The following HPS4 variants were observed in gnomAD, a reference collection of about 807,000 sequenced individuals.
The protein encoded by HPS4 is BLOC-3 complex member HPS4.
A neutral mutation model predicts 70.3 loss-of-function variants in HPS4; 44 were observed. The ratio of observed to expected loss-of-function variants is 0.63; its 90% CI spans 0.49 to 0.80. The LOEUF (loss-of-function observed/expected upper bound fraction) is 0.80. Ranked by LOEUF, HPS4 falls within the 30% of genes least tolerant of loss-of-function variation. HPS4 has a pLI of 0.00. For missense variants in HPS4, 873 were observed against 884.4 expected (o/e 0.99, Z 0.16); for synonymous variants, 377 against 355.9 (o/e 1.06, Z -0.67).
chr22:26,483,791 G>T, upstream of HPS4: 1 of 954,786 alleles, frequency 1.0e-6, no homozygotes, highest in Non-Finnish European at 1.4e-6. Flanking sequence ...GAGGCCTTAG[G>T]TCACGCGCCG....
At chr22:26,483,795 C>T, upstream of HPS4, 3 of 1,004,060 alleles carry the variant, frequency 3.0e-6, no homozygotes, top group Non-Finnish European at 3.9e-6. Flanking sequence ...CCTTAGGTCA[C>T]GCGCCGCCCC....
chr22:26,464,937 G>A (rs2146573982), intron 10 of HPS4, 111 bp from the exon 11 acceptor site: 2 of 978,466 alleles, frequency 2.0e-6, no homozygotes, highest in Admixed American at 5.4e-5. Context: ...GGTGCCTGAG[G>A]CCACAGAGCC....
Position 26,451,954 on chromosome 22 carries a change from C to T in HPS4, c.*1279G>A, listed in dbSNP as rs2085241581. ...CGGTCCTTACCCAGCCACACTGAAC[C>T]CAGGGAAGGAAAAGAGGGATGCGCC... is the stretch of plus-strand genomic sequence containing the variant. On this transcript the variant is annotated 3_prime_UTR_variant, in exon 14 of 14. Transcript: ENST00000398145. 5.2e-6 allele frequency: 1 copy of T among 191,156 alleles called. No homozygotes were observed. The highest frequency in any genetic ancestry group is 2.4e-5 in the African/African-American group (1 of 41,786). The allele number at this position is 191,156 out of a possible 1,614,324, so 11.8% of individuals were successfully genotyped here.
chr22:26,466,124 T>C, intron 9 of HPS4, 102 bp downstream of exon 9: 1 of 1,612,162 alleles, frequency 6.2e-7, no homozygotes, highest in Non-Finnish European at 8.5e-7. Flanking sequence ...GCAGAGGAAA[T>C]AAACATGCAG....
intron 5 of HPS4, 110 bp from the exon 6 acceptor site, chr22:26,472,528 A>AG (rs1445442435): frequency 9.7e-6 from 8 of 826,634 alleles, no homozygotes; most frequent in Non-Finnish European, 1.5e-5. Flanking sequence ...ACTGACCGGA[A>AG]GGGAGGACCT....
At chr22:26,456,899 A>G (rs2086233010) in intron 13 of HPS4, among the ~76,000 whole-genome samples, 1 of 152,238 alleles carries the variant, frequency 6.6e-6, no homozygotes, top group Non-Finnish European at 1.5e-5. Context: ...TCGGTTGGTT[A>G]AATACTGTAA....
At chr22:26,443,177 C>G (rs374053512), downstream of HPS4, 106 of 1,613,972 alleles carry the variant, frequency 6.6e-5, no homozygotes, top group Non-Finnish European at 8.7e-5. Context: ...ACGGCAGGCT[C>G]TTGATTTCAT....
chr22:26,469,524 A>G (rs2089408128), intron 7 of HPS4, among the ~76,000 whole-genome samples: 1 of 151,736 alleles, frequency 6.6e-6, no homozygotes. Flanking sequence ...CTATTGATTG[A>G]TTTGTTTACA....
chr22:26,461,000 T>G (rs921766349), intron 11 of HPS4, among the ~76,000 whole-genome samples: 5 of 152,230 alleles, frequency 3.3e-5, no homozygotes, highest in African/African-American at 1.2e-4. Flanking sequence ...TCTGGTCCTT[T>G]ACATAAAATG....
chr22:26,462,285 T>C (rs2087456971), intron 11 of HPS4, among the ~76,000 whole-genome samples: 1 of 152,192 alleles, frequency 6.6e-6, no homozygotes, highest in South Asian at 2.1e-4. Flanking sequence ...AACCAGGGGA[T>C]ATGGCCATAG....
At position 26,476,681 on chromosome 22, in the gene HPS4, G is replaced by A. The variant is rs111245536; in HGVS notation, c.276+312C>T. ...TTACCCAGTAAGTGTAGAGAGCATGGAGAAGAAAAGATGATGATAAAAACT... is the reference window on the plus strand; with the variant it reads ...TTACCCAGTAAGTGTAGAGAGCATGAAGAAGAAAAGATGATGATAAAAACT... On this transcript the variant is annotated intron_variant, in intron 4 of 13. Coordinates refer to ENST00000398145, the MANE Select transcript of HPS4 (RefSeq NM_022081.6). 3,268 of 356,554 alleles carry A rather than the reference G, an allele frequency of 9.2e-3. 23 individuals carry two copies. Among genetic ancestry groups the A allele is most frequent in the Middle Eastern group, 0.014 (15 of 1,092 alleles). The allele number at this position is 356,554 out of a possible 1,614,324, so 22.1% of individuals were successfully genotyped here.
Position 26,477,629 on chromosome 22 carries a change from G to A in HPS4, c.133-493C>T, listed in dbSNP as rs7288459. 7.9e-3 allele frequency among the ~76,000 whole-genome samples: 1,199 copies of A among 152,188 alleles called. 13 individuals carry two copies. Among genetic ancestry groups the A allele is most frequent in the African/African-American group, 0.027 (1,141 of 41,516 alleles). ...CTAATCAACCTTAGCCTTAACTAAC[G>A]CACAGGACAGCCAGACAGTATGGGA... is the stretch of plus-strand genomic sequence containing the variant. On this transcript the variant is annotated intron_variant, in intron 3 of 13. Transcript: ENST00000398145.
In HPS4 at chr22:26,457,857, A is replaced by T. The variant is rs757994858; in HGVS notation, c.1955+2T>A. 1 of 1,610,042 alleles carries T rather than the reference A, an allele frequency of 6.2e-7. No homozygotes were observed. The highest frequency in any genetic ancestry group is 8.5e-7 in the Non-Finnish European group (1 of 1,176,212). On this transcript the variant is annotated splice_donor_variant, in intron 13 of 13. Coordinates refer to ENST00000398145, the MANE Select transcript of HPS4 (RefSeq NM_022081.6). LOFTEE classifies it high-confidence loss of function. The stretch of plus-strand genomic sequence containing the variant: ...GTTGGGGAGCGACTCAGGGAGGCTC[A>T]CCTGACAGTCATTTCATAAAGCGCG...
In HPS4 at chr22:26,452,002, GCGCACA is replaced by G. The variant is rs1047237759; in HGVS notation, c.*1225_*1230del. The G allele has an allele frequency of 8.1e-5, 7 of 86,838 alleles. No homozygotes were observed. The highest frequency in any genetic ancestry group is 4.3e-4 in the Admixed American group (4 of 9,266). The allele number at this position is 86,838 out of a possible 1,614,324, so 5.4% of individuals were successfully genotyped here. On this transcript the variant is annotated 3_prime_UTR_variant, in exon 14 of 14. Transcript: ENST00000398145. ...GCCCACGTTACGCGCGCGCGCGCGC[GCGCACA>G]CACACACACACACACACACACACAC...
chr22:26,450,584 G>C (rs1232476572), downstream of HPS4, among the ~76,000 whole-genome samples: 1 of 152,204 alleles, frequency 6.6e-6, no homozygotes, highest in Non-Finnish European at 1.5e-5. Context: ...ATTGCCACTT[G>C]ATATGGTTTG....
rs139317855 is a variant in HPS4 at position 26,463,745 on chromosome 22, CCA to C, written c.1713+170_1713+171del. Among the ~76,000 whole-genome samples the C allele has an allele frequency of 2.6e-5, 4 of 152,352 alleles. No homozygotes were observed. In the East Asian group the frequency reaches 7.7e-4, roughly 29 times the overall value. ...ACTCACTCTTACCCCCCACAAAAAC[CCA>C]CAGAGGCAGGTAATACCTCCATCGT... On this transcript the variant is annotated intron_variant, in intron 11 of 13. Transcript: ENST00000398145.
intron 2 of HPS4, chr22:26,479,556 A>G: frequency 1.4e-6 from 2 of 1,413,804 alleles, no homozygotes; most frequent in Middle Eastern, 2.5e-4. Flanking sequence ...AACTAAAAAT[A>G]TGCCTCTATC....
Position 26,464,115 on chromosome 22 carries a change from A to C in HPS4, c.1515T>G (p.Gly505=). ...DGVCESHAAP[G]LECSSGSANC... ...TTGCTGAGCCTGAACTGCATTCCAG[A>C]CCAGGGGCTGCGTGGCTTTCACAGA... The change falls in exon 11 of 14, where the codon GGT becomes GGG. Residue 505 remains glycine, a synonymous_variant. Transcript: ENST00000398145. 1 of 1,614,210 alleles carries C rather than the reference A, an allele frequency of 6.2e-7. No individual in the cohort carries two copies. Among genetic ancestry groups the C allele is most frequent in the Non-Finnish European group, 8.5e-7 (1 of 1,180,032 alleles).
intron 3 of HPS4, among the ~76,000 whole-genome samples, chr22:26,477,984 G>A (rs2090780911): frequency 6.6e-6 from 1 of 151,874 alleles, no homozygotes; most frequent in Non-Finnish European, 1.5e-5. Flanking sequence ...ATCCTTATTA[G>A]GAAAAAGAAA....
Sources: allele counts gnomAD v4.1 joint callset (sites outside exome capture counted in the v4.1 genomes callset), GRCh38; gene constraint gnomAD v4.1.1; transcripts MANE v1.5; gene names NCBI Gene and HGNC (gene_info 2026-07-23, HGNC 2026-07-21).